PAPPA2: variants seen among roughly 807,000 people sequenced by gnomAD.
The protein encoded by PAPPA2 is pappalysin-2.
A neutral mutation model predicts 176.4 loss-of-function variants in PAPPA2; 86 were observed. The ratio of observed to expected loss-of-function variants is 0.49; its 90% CI spans 0.41 to 0.58. The LOEUF (loss-of-function observed/expected upper bound fraction) is 0.58, where lower values mean the gene tolerates loss of function less well. Among genes scored for constraint, PAPPA2 ranks in the 20% least tolerant of loss-of-function variants. The probability of loss-of-function intolerance (pLI) is 0.00; values close to 1 mark genes in which losing one functional copy is unlikely to be tolerated. For synonymous variants in PAPPA2, 809 were observed against 852.2 expected (o/e 0.95, Z 0.88); for missense variants, 2,073 against 2,256.9 (o/e 0.92, Z 1.65).
intron 14 of PAPPA2, 39 bp downstream of exon 14, chr1:176,740,235 G>A (rs763832376): frequency 5.7e-6 from 9 of 1,571,854 alleles, no homozygotes; most frequent in Middle Eastern, 1.7e-4. Flanking sequence ...TCCTTTTCTT[G>A]TGGCTCTAAT....
intron 21 of PAPPA2, among the ~76,000 whole-genome samples, chr1:176,836,130 T>C (rs1180367472): frequency 2.6e-5 from 4 of 152,158 alleles, no homozygotes; most frequent in Admixed American, 6.5e-5. Flanking sequence ...AAGAACTTCA[T>C]CAGGCGCTGC....
In PAPPA2 at chr1:176,840,281, A is replaced by G. The variant is rs781249239; in HGVS notation, c.5301+10A>G. 1.2e-6 allele frequency: 2 copies of G among 1,601,000 alleles called. No individual in the cohort carries two copies. The highest frequency in any genetic ancestry group is 2.2e-5 in the South Asian group (2 of 90,712). The stretch of plus-strand genomic sequence containing the variant: ...ACTCTCCTCCAAGAAGGTGAGTGAG[A>G]GAACCTGGGGATGGGGGAGGCAGTG... On this transcript the variant is annotated intron_variant, in intron 22 of 22. Transcript: ENST00000367662.
At chr1:176,744,670 C>T (rs938734404) in intron 14 of PAPPA2, among the ~76,000 whole-genome samples, 11 of 152,070 alleles carry the variant, frequency 7.2e-5, no homozygotes, top group Non-Finnish European at 1.6e-4. Context: ...CCAGTTTTCT[C>T]GTCTTTACAG....
chr1:176,791,231 G>T, intron 18 of PAPPA2, 116 bp from the exon 19 acceptor site: 20 of 169,540 alleles, frequency 1.2e-4, no homozygotes, highest in East Asian at 1.0e-3. Context: ...TTTCAATAGT[G>T]TCTTTTGGTC....
intron 1 of PAPPA2, among the ~76,000 whole-genome samples, chr1:176,500,281 A>G (rs929706325): frequency 1.3e-5 from 2 of 152,042 alleles, no homozygotes; most frequent in Admixed American, 6.6e-5. Context: ...AAGAAAAACA[A>G]TAAGTTTATA....
rs149090324 is a variant in PAPPA2 at position 176,659,098 on chromosome 1, T to C, written c.1992-11872T>C. 3.0e-3 allele frequency among the ~76,000 whole-genome samples: 452 copies of C among 152,042 alleles called. 4 individuals carry two copies. Among genetic ancestry groups the C allele is most frequent in the African/African-American group, 0.011 (439 of 41,478 alleles). Reference sequence around the variant, plus strand: ...CATGAATAAAAAAGAAAACTAAGAATGGAGATATGGGTTGGGTAGGAGGAT... The same window carrying C: ...CATGAATAAAAAAGAAAACTAAGAACGGAGATATGGGTTGGGTAGGAGGAT... On this transcript the variant is annotated intron_variant, in intron 3 of 22. Coordinates refer to ENST00000367662, the MANE Select transcript of PAPPA2 (RefSeq NM_020318.3).
At chr1:176,634,799 G>T (rs12135394) in intron 3 of PAPPA2, among the ~76,000 whole-genome samples, 3,240 of 120,214 alleles carry the variant, frequency 0.027, 77 homozygotes, top group Middle Eastern at 0.053. Flanking sequence ...TCCAAGGAGA[G>T]AGATAGATAG....
intron 16 of PAPPA2, 90 bp from the exon 17 acceptor site, chr1:176,770,877 G>T: frequency 8.1e-7 from 1 of 1,236,602 alleles, no homozygotes; most frequent in Non-Finnish European, 1.2e-6. Context: ...AAAGGCACCA[G>T]TAAGTTCAGA....
intron 2 of PAPPA2, among the ~76,000 whole-genome samples, chr1:176,568,285 A>C (rs895792191): frequency 2.0e-5 from 3 of 152,258 alleles, no homozygotes; most frequent in Non-Finnish European, 4.4e-5. Flanking sequence ...ATCACTCTAA[A>C]AAAATCTATT....
intron 3 of PAPPA2, among the ~76,000 whole-genome samples, chr1:176,622,472 C>G (rs948059552): frequency 6.6e-6 from 1 of 152,114 alleles, no homozygotes; most frequent in South Asian, 2.1e-4. Context: ...CTAAGGAGGT[C>G]AAGAGTGATC....
chr1:176,526,179 A>G (rs1649491797), intron 1 of PAPPA2, among the ~76,000 whole-genome samples: 1 of 152,218 alleles, frequency 6.6e-6, no homozygotes, highest in Non-Finnish European at 1.5e-5. Context: ...TTTTGTGGAT[A>G]GAGTGTTCCA....
intron 21 of PAPPA2, among the ~76,000 whole-genome samples, chr1:176,822,146 C>T (rs928055929): frequency 6.6e-6 from 1 of 152,166 alleles, no homozygotes; most frequent in Non-Finnish European, 1.5e-5. Context: ...AAGCCCACCT[C>T]TCATTCTTTG....
chr1:176,711,316 G>A (rs908482614), intron 11 of PAPPA2, among the ~76,000 whole-genome samples: 16 of 152,202 alleles, frequency 1.1e-4, no homozygotes, highest in Non-Finnish European at 1.2e-4. Flanking sequence ...AGCCAGGGAA[G>A]TTGGGAGATT....
chr1:176,786,385 G>A (rs7548578), intron 17 of PAPPA2, among the ~76,000 whole-genome samples: 61,801 of 151,762 alleles, frequency 0.41, 14,018 homozygotes, highest in African/African-American at 0.6. Flanking sequence ...GGGGATTTTA[G>A]CTGGGAAGGA....
At chr1:176,490,556 C>T (rs1647234898) in intron 1 of PAPPA2, among the ~76,000 whole-genome samples, 2 of 152,096 alleles carry the variant, frequency 1.3e-5, no homozygotes, top group South Asian at 2.1e-4. Flanking sequence ...TACTTTGGTC[C>T]TAGGTTATAT....
Position 176,789,764 on chromosome 1 carries a change from T to C in PAPPA2, c.4716-45T>C, listed in dbSNP as rs770968956. ...CTGAGGATCAAGTCTTTCATGACCT[T>C]CTTGAAAGATTCTGATGAGCTATTT... is the stretch of plus-strand genomic sequence containing the variant. On this transcript the variant is annotated intron_variant, in intron 17 of 22. Transcript: ENST00000367662. The C allele has an allele frequency of 1.1e-4, 175 of 1,564,428 alleles. No individual in the cohort carries two copies. In the African/African-American group the frequency reaches 2.3e-3, roughly 20 times the overall value.
chr1:176,631,101 G>A (rs1283439312), intron 3 of PAPPA2, among the ~76,000 whole-genome samples: 1 of 152,176 alleles, frequency 6.6e-6, no homozygotes, highest in Admixed American at 6.5e-5. Context: ...GTGGAAGAAA[G>A]CTGGGAGGCT....
At position 176,702,615 on chromosome 1, in the gene PAPPA2, C is replaced by T. The variant is rs747981613; in HGVS notation, c.3245C>T (p.Thr1082Ile). 1 of 1,614,088 alleles carries T rather than the reference C, an allele frequency of 6.2e-7. No individual in the cohort carries two copies. ...CCCTTTGGTTTCCACAGGGAGGTCA[C>T]ACCTGGACAGATGTATCAGTACCAA... The part of the protein sequence containing the change: ...SHRKFTDVEV[T>I]PGQMYQYQVL... The change falls in exon 9 of 23, where the codon ACA (threonine) becomes ATA (isoleucine). Residue 1082 changes from threonine to isoleucine, a missense_variant. Physicochemically the swap from Thr to Ile is moderately conservative, Grantham distance 89. Around this residue, in one of 4 missense-constraint regions of PAPPA2, gnomAD observed 846 missense variants for 857.9 expected, o/e 0.99. Transcript: ENST00000367662.
chr1:176,720,954 G>T (rs967310451), intron 12 of PAPPA2, among the ~76,000 whole-genome samples: 1 of 152,132 alleles, frequency 6.6e-6, no homozygotes, highest in Non-Finnish European at 1.5e-5. Context: ...GAGGAAGAAA[G>T]AAAAGTCTCC....
Sources: gnomAD v4.1 joint callset for allele counts (sites outside exome capture counted in the v4.1 genomes callset) on GRCh38, gnomAD v4.1.1 for gene constraint, gnomAD v4.1.1 regional missense constraint, MANE v1.5 for transcripts, NCBI Gene and HGNC (gene_info 2026-07-23, HGNC 2026-07-21) for gene names.